ADAM17: variants seen among roughly 807,000 people sequenced by gnomAD.
ADAM17 encodes disintegrin and metalloproteinase domain-containing protein 17.
Under a neutral mutation model 96.7 loss-of-function variants are expected in ADAM17, and 39 were observed. The ratio of observed to expected loss-of-function variants is 0.40; its 90% CI spans 0.31 to 0.53. The LOEUF is 0.53. Ranked by LOEUF, ADAM17 falls within the 20% of genes least tolerant of loss-of-function variation. The pLI is 0.44. For synonymous variants in ADAM17, 344 were observed against 359.2 expected (o/e 0.96, Z 0.48); for missense variants, 777 against 1,013.2 (o/e 0.77, Z 3.17).
chr2:9,509,495 T>C (rs1026653666), intron 11 of ADAM17, among the ~76,000 whole-genome samples: 2 of 152,176 alleles, frequency 1.3e-5, no homozygotes, highest in Non-Finnish European at 2.9e-5. Flanking sequence ...GATAGAGCTA[T>C]GAATAAGATA....
chr2:9,510,648 G>T (rs1349704290), intron 10 of ADAM17, among the ~76,000 whole-genome samples: 1 of 149,626 alleles, frequency 6.7e-6, no homozygotes, highest in Non-Finnish European at 1.5e-5. Context: ...TGGGAGACAG[G>T]GCGAGACTTC....
chr2:9,517,359 T>G (rs1242589973), intron 10 of ADAM17, among the ~76,000 whole-genome samples: 2 of 152,078 alleles, frequency 1.3e-5, no homozygotes, highest in East Asian at 3.8e-4. Context: ...AGAAGCAACA[T>G]GCACAGAAGA....
intron 10 of ADAM17, among the ~76,000 whole-genome samples, chr2:9,510,946 T>A (rs895150196): frequency 1.3e-5 from 2 of 152,342 alleles, no homozygotes; most frequent in Admixed American, 1.3e-4. Flanking sequence ...CAAATCAATT[T>A]AAGAAAATGT....
In ADAM17 at chr2:9,523,240, G is replaced by A; in HGVS notation, c.843+9C>T. The A allele has an allele frequency of 6.3e-7, 1 of 1,586,332 alleles. No homozygotes were observed. Among genetic ancestry groups the A allele is most frequent in the Non-Finnish European group, 8.6e-7 (1 of 1,160,460 alleles). On this transcript the variant is annotated intron_variant, in intron 7 of 18. Transcript: ENST00000310823. The stretch of plus-strand genomic sequence containing the variant: ...TTAAGTAATATAAGCCATATCTATT[G>A]ATAAATACCTGCTCTATCTGTATTC...
intron 1 of ADAM17, among the ~76,000 whole-genome samples, chr2:9,549,635 C>G (rs1029630022): frequency 6.6e-6 from 1 of 152,018 alleles, no homozygotes; most frequent in African/African-American, 2.4e-5. Context: ...ATGAGCAATC[C>G]TCCGGGTGGC....
chr2:9,514,727 G>A (rs1470442801), intron 10 of ADAM17, among the ~76,000 whole-genome samples: 2 of 151,052 alleles, frequency 1.3e-5, no homozygotes, highest in Non-Finnish European at 3.0e-5. Flanking sequence ...CAAAAAATTA[G>A]CCGGGCGTGG....
At position 9,490,381 on chromosome 2, in the gene ADAM17, CTGG is replaced by C. The variant is rs1662026391; in HGVS notation, c.2268_2270del (p.His756del). 1.2e-6 allele frequency: 2 copies of C among 1,614,154 alleles called. No individual in the cohort carries two copies. The highest frequency in any genetic ancestry group is 1.3e-5 in the African/African-American group (1 of 75,022). ...GGTCTTCCTGGATGGTGTCCATTCT[CTGG>C]TGGTCCAGTTTTGGAGCTGCTGGCG... is the stretch of plus-strand genomic sequence containing the variant. On this transcript the variant is annotated inframe_deletion, in exon 19 of 19. Transcript: ENST00000310823.
chr2:9,551,651 G>A (rs909940676), intron 1 of ADAM17, among the ~76,000 whole-genome samples: 3 of 152,088 alleles, frequency 2.0e-5, no homozygotes, highest in African/African-American at 7.2e-5. Flanking sequence ...AGTACAGACA[G>A]GGTTTCACCA....
intron 12 of ADAM17, among the ~76,000 whole-genome samples, 166 bp downstream of exon 12, chr2:9,505,000 G>C (rs1397079118): frequency 2.0e-5 from 3 of 152,114 alleles, no homozygotes; most frequent in East Asian, 3.9e-4. Flanking sequence ...CACCGTGCCA[G>C]GCCCAGAAAG....
Position 9,536,764 on chromosome 2 carries a change from C to T in ADAM17, c.295G>A (p.Val99Met). 6.2e-7 allele frequency: 1 copy of T among 1,614,130 alleles called. No individual in the cohort carries two copies. Among genetic ancestry groups the T allele is most frequent in the Non-Finnish European group, 8.5e-7 (1 of 1,179,994 alleles). The stretch of plus-strand genomic sequence containing the variant: ...TACTCGCTTTCGTTTTTACCATCCA[C>T]CACCACGACCTTGAAATTTTGTGAA... ...RFSQNFKVVVVDGKNESEYTV... is the reference protein window; with the variant it reads ...RFSQNFKVVVMDGKNESEYTV... Residue 99 changes from valine (V) to methionine (M), a missense_variant, in exon 3 of 19, where the codon GTG becomes ATG. Around this residue, in one of 3 missense-constraint regions of ADAM17, gnomAD observed 134 missense variants for 129.1 expected, o/e 1.04. Transcript: ENST00000310823.
chr2:9,508,731 C>A (rs1035855165), intron 11 of ADAM17, among the ~76,000 whole-genome samples: 1 of 152,134 alleles, frequency 6.6e-6, no homozygotes, highest in African/African-American at 2.4e-5. Flanking sequence ...CACAAAACAT[C>A]CCCCGCCCCG....
At chr2:9,532,440 T>C (rs920463328) in intron 4 of ADAM17, among the ~76,000 whole-genome samples, 1 of 152,102 alleles carries the variant, frequency 6.6e-6, no homozygotes, top group African/African-American at 2.4e-5. Flanking sequence ...TCCCTCAAGG[T>C]ATCTGATGAG....
chr2:9,555,548 G>A lies in ADAM17; in HGVS notation c.58C>T (p.Pro20Ser). The change falls in exon 1 of 19, where the codon CCT becomes TCT. Residue 20 changes from proline (P) to serine (S), a missense_variant. Around this residue, in one of 3 missense-constraint regions of ADAM17, gnomAD observed 134 missense variants for 129.1 expected, o/e 1.04. Transcript: ENST00000310823. Reference protein sequence around the residue: ...SVVPFVLAPRPPDDPGFGPHQ... With the variant: ...SVVPFVLAPRSPDDPGFGPHQ... Reference sequence around the variant, plus strand: ...GGGCCGAAGCCCGGGTCATCCGGAGGTCGCGGCGCCAGCACGAAAGGAACC... The same window carrying A: ...GGGCCGAAGCCCGGGTCATCCGGAGATCGCGGCGCCAGCACGAAAGGAACC... 1 of 1,604,090 alleles carries A rather than the reference G, an allele frequency of 6.2e-7. No homozygotes were observed. The highest frequency in any genetic ancestry group is 8.5e-7 in the Non-Finnish European group (1 of 1,175,298).
At chr2:9,543,106 C>A in intron 2 of ADAM17, 47 bp downstream of exon 2, 1 of 1,508,694 alleles carries the variant, frequency 6.6e-7, no homozygotes, top group Non-Finnish European at 8.8e-7. Flanking sequence ...TTTTGCCAAA[C>A]CAAGCCCCCA....
chr2:9,514,348 T>G (rs1177497818), intron 10 of ADAM17, among the ~76,000 whole-genome samples: 7 of 78,700 alleles, frequency 8.9e-5, no homozygotes, highest in Non-Finnish European at 1.3e-4. Flanking sequence ...CACACACCGG[T>G]GCCTGTCGTG....
chr2:9,531,020 C>T (rs1046440277), intron 4 of ADAM17, among the ~76,000 whole-genome samples: 7 of 152,028 alleles, frequency 4.6e-5, no homozygotes, highest in Non-Finnish European at 7.4e-5. Context: ...TACAGTGGAG[C>T]GATCTCAGCT....
intron 10 of ADAM17, among the ~76,000 whole-genome samples, chr2:9,513,680 C>T (rs1027268226): frequency 6.6e-6 from 1 of 151,966 alleles, no homozygotes; most frequent in Non-Finnish European, 1.5e-5. Flanking sequence ...AGGGAAAACA[C>T]AGTTTGAGAG....
In ADAM17 at chr2:9,543,203, T is replaced by A. The variant is rs776442513; in HGVS notation, c.180A>T (p.Leu60=). Residue 60 remains leucine, a synonymous_variant, in exon 2 of 19, where the codon CTA becomes CTT. Coordinates refer to ENST00000310823, the MANE Select transcript of ADAM17 (RefSeq NM_003183.6). ...GTGTTTCTACATGTGTTGAAGTCTG[T>A]AGATCTCTTTTTCTTACCGAATGCT... The part of the protein sequence containing the change: ...IQQHSVRKRD[L]QTSTHVETLL... 1.2e-6 allele frequency: 2 copies of A among 1,610,882 alleles called. No individual in the cohort carries two copies. The highest frequency in any genetic ancestry group is 1.7e-6 in the Non-Finnish European group (2 of 1,178,618).
intron 1 of ADAM17, among the ~76,000 whole-genome samples, chr2:9,549,158 G>A (rs777594038): frequency 9.2e-5 from 14 of 152,134 alleles, no homozygotes; most frequent in Non-Finnish European, 2.1e-4. Flanking sequence ...GGATCACAAG[G>A]GTGGGAGTTC....
Sources: gnomAD v4.1 joint callset for allele counts (sites outside exome capture counted in the v4.1 genomes callset) on GRCh38, gnomAD v4.1.1 for gene constraint, gnomAD v4.1.1 regional missense constraint, MANE v1.5 for transcripts, NCBI Gene and HGNC (gene_info 2026-07-23, HGNC 2026-07-21) for gene names.